PLPPR1: variants seen among roughly 807,000 people sequenced by gnomAD.
The protein encoded by PLPPR1 is phospholipid phosphatase related 1.
Under a neutral mutation model 33.1 loss-of-function variants are expected in PLPPR1, and 10 were observed. That is an observed-to-expected ratio of 0.30 (90% CI 0.19 to 0.51). PLPPR1 has a LOEUF of 0.51. PLPPR1 is among the 20% of genes least tolerant of loss of function. The pLI is 0.97. For synonymous variants in PLPPR1, 151 were observed against 151.0 expected (o/e 1.00, Z 0.00); for missense variants, 304 against 408.1 (o/e 0.74, Z 2.20).
Position 101,235,299 on chromosome 9 carries a change from A to G in PLPPR1, c.64-34581A>G, listed in dbSNP as rs116285974. Among the ~76,000 whole-genome samples the G allele has an allele frequency of 5.5e-3, 833 of 151,946 alleles. 6 individuals carry two copies. The highest frequency in any genetic ancestry group is 0.019 in the African/African-American group (788 of 41,518). On this transcript the variant is annotated intron_variant, in intron 2 of 7. Transcript: ENST00000374874. Reference sequence around the variant, plus strand: ...CAGACCAGTATTTGTTGTACTGAATAAGTTTCGAACACAGGGAGAACTGTT... The same window carrying G: ...CAGACCAGTATTTGTTGTACTGAATGAGTTTCGAACACAGGGAGAACTGTT...
At chr9:101,205,378 A>G (rs781660118) in intron 2 of PLPPR1, among the ~76,000 whole-genome samples, 1 of 152,182 alleles carries the variant, frequency 6.6e-6, no homozygotes, top group African/African-American at 2.4e-5. Context: ...AGCTCATATG[A>G]TGTTTTTGAA....
chr9:101,127,346 A>G lies in PLPPR1; in HGVS notation c.-45-58104A>G, dbSNP rs571672010. 6.6e-5 allele frequency among the ~76,000 whole-genome samples: 10 copies of G among 152,306 alleles called. No individual in the cohort carries two copies. The South Asian group carries it at 1.7e-3, about 25-fold the overall frequency. On this transcript the variant is annotated intron_variant, in intron 1 of 7. Coordinates refer to ENST00000374874, the MANE Select transcript of PLPPR1 (RefSeq NM_207299.2). ...TCCGGCGGAGTCTAAGGATTGAGAA[A>G]AAGACAGTTTGAGAAGTAAAGTGGG...
chr9:101,218,449 C>G (rs187298636), intron 2 of PLPPR1, among the ~76,000 whole-genome samples: 62 of 152,170 alleles, frequency 4.1e-4, no homozygotes, highest in African/African-American at 1.3e-3. Flanking sequence ...TGACAGAGCA[C>G]CACTTGACAT....
chr9:101,323,426 T>G (rs1360537248), intron 7 of PLPPR1, among the ~76,000 whole-genome samples: 2 of 141,940 alleles, frequency 1.4e-5, no homozygotes, highest in Admixed American at 1.5e-4. Context: ...GCCCAGCAGA[T>G]CAAGGCTGTA....
intron 1 of PLPPR1, among the ~76,000 whole-genome samples, chr9:101,054,904 G>T (rs566131647): frequency 6.6e-5 from 10 of 152,280 alleles, no homozygotes; most frequent in African/African-American, 2.4e-4. Flanking sequence ...AGAGCCCCCG[G>T]CCCTGCTGTG....
intron 2 of PLPPR1, among the ~76,000 whole-genome samples, chr9:101,218,414 G>A (rs920623654): frequency 2.0e-5 from 3 of 152,136 alleles, no homozygotes; most frequent in Admixed American, 2.0e-4. Context: ...CTAGTTCTGG[G>A]TGGGACATGT....
At chr9:101,182,386 AT>A (rs2118711523) in intron 1 of PLPPR1, among the ~76,000 whole-genome samples, 1 of 151,928 alleles carries the variant, frequency 6.6e-6, no homozygotes, top group South Asian at 2.1e-4. Context: ...TAGATTTTAA[AT>A]GTTTTGGTAG....
At chr9:101,125,635 G>C in intron 1 of PLPPR1, 1 of 572,100 alleles carries the variant, frequency 1.7e-6, no homozygotes, top group Non-Finnish European at 3.3e-6. Flanking sequence ...CAATTTCCTG[G>C]AATAAGTTGT....
intron 2 of PLPPR1, among the ~76,000 whole-genome samples, chr9:101,229,632 A>G (rs1008957708): frequency 6.6e-6 from 1 of 152,142 alleles, no homozygotes; most frequent in Non-Finnish European, 1.5e-5. Context: ...CTCTTTTAAA[A>G]TAAGGTGTCC....
chr9:101,037,715 G>A (rs147955882), intron 1 of PLPPR1, among the ~76,000 whole-genome samples: 1,836 of 151,944 alleles, frequency 0.012, 62 homozygotes, highest in Admixed American at 0.075. Context: ...CCTCCTGGGG[G>A]TCACAGGAAC....
intron 2 of PLPPR1, among the ~76,000 whole-genome samples, chr9:101,223,666 A>G (rs1273563202): frequency 2.6e-5 from 4 of 152,012 alleles, no homozygotes; most frequent in African/African-American, 9.7e-5. Flanking sequence ...AGCATCTGGC[A>G]TTTCCCCTGC....
chr9:101,295,357 G>A (rs368810773), intron 4 of PLPPR1, among the ~76,000 whole-genome samples: 143 of 151,600 alleles, frequency 9.4e-4, no homozygotes, highest in South Asian at 5.0e-3. Context: ...AATCAATATC[G>A]TGAAAATGGC....
chr9:101,228,314 A>G (rs992519094), intron 2 of PLPPR1, among the ~76,000 whole-genome samples: 17 of 152,116 alleles, frequency 1.1e-4, no homozygotes, highest in Admixed American at 9.2e-4. Context: ...TGTGGTTCAA[A>G]TGCTCCTCGT....
chr9:101,172,833 C>G (rs1355270780), intron 1 of PLPPR1, among the ~76,000 whole-genome samples: 1 of 152,228 alleles, frequency 6.6e-6, no homozygotes, highest in Middle Eastern at 3.4e-3. Flanking sequence ...AGACTATAAG[C>G]TAGGGCAATC....
At chr9:101,154,051 G>A (rs1198745259) in intron 1 of PLPPR1, among the ~76,000 whole-genome samples, 1 of 152,082 alleles carries the variant, frequency 6.6e-6, no homozygotes, top group Non-Finnish European at 1.5e-5. Context: ...TGCATCCCTG[G>A]GATGAAGCCC....
At chr9:101,297,957 G>T (rs1164093720) in intron 4 of PLPPR1, among the ~76,000 whole-genome samples, 3 of 152,142 alleles carry the variant, frequency 2.0e-5, no homozygotes, top group Non-Finnish European at 1.5e-5. Context: ...GTGAAGTTCA[G>T]TTCAGTTCTG....
intron 1 of PLPPR1, among the ~76,000 whole-genome samples, chr9:101,121,961 C>A (rs559735744): frequency 1.3e-5 from 2 of 152,264 alleles, no homozygotes; most frequent in South Asian, 2.1e-4. Context: ...GTTTAAAGAA[C>A]AAAAAGGCCA....
At chr9:101,125,867 T>C (rs1046944585) in intron 1 of PLPPR1, 6 of 480,938 alleles carry the variant, frequency 1.2e-5, no homozygotes, top group African/African-American at 9.9e-5. Context: ...GGTTGAACAT[T>C]CCCATCATAA....
intron 1 of PLPPR1, among the ~76,000 whole-genome samples, chr9:101,149,769 A>G (rs1831560230): frequency 6.6e-6 from 1 of 152,182 alleles, no homozygotes; most frequent in Admixed American, 6.6e-5. Context: ...GTTCAGCAAC[A>G]TCATCAATAC....
Sources: gnomAD v4.1 joint callset for allele counts (sites outside exome capture counted in the v4.1 genomes callset) on GRCh38, gnomAD v4.1.1 for gene constraint, MANE v1.5 for transcripts, NCBI Gene and HGNC (gene_info 2026-07-23, HGNC 2026-07-21) for gene names.